GNAS: variants seen among roughly 807,000 people sequenced by gnomAD.
GNAS encodes GNAS complex locus.
GNAS carries 8 observed loss-of-function variants against 54.5 expected under a neutral mutation model. The ratio of observed to expected loss-of-function variants is 0.15; its 90% CI spans 0.09 to 0.26. The LOEUF is 0.26. Among genes scored for constraint, GNAS ranks in the 10% least tolerant of loss-of-function variants. The pLI is 1.00. For synonymous variants in GNAS, 204 were observed against 191.4 expected, an observed-to-expected ratio of 1.07 and a Z score of -0.54; for missense variants, 170 against 529.8, an observed-to-expected ratio of 0.32 and a Z score of 6.67.
Position 58,841,651 on chromosome 20 carries a change from G to A in GNAS, c.43+765G>A. On this transcript the variant is annotated intron_variant, in intron 1 of 12. Transcript: ENST00000306090. This position sits in a 1 kb window ranked among gnomAD's most constrained non-coding sequence, Gnocchi z 5.0. ...GAGCTGACCTCTCCCGGCGGCGGGC[G>A]GTTAGGGGAAAGTACCTGGGGGAAA... The A allele has an allele frequency of 8.9e-7, 1 of 1,123,584 alleles. No individual in the cohort carries two copies. The highest frequency in any genetic ancestry group is 1.1e-6 in the Non-Finnish European group (1 of 918,888). The allele number at this position is 1,123,584 out of a possible 1,614,324, so 69.6% of individuals were successfully genotyped here.
rs776213233 is a variant in GNAS, at chr20:58,909,820, G to C, written c.839+16G>C. 1 of 1,612,624 alleles carries C rather than the reference G, an allele frequency of 6.2e-7. No individual in the cohort carries two copies. The highest frequency in any genetic ancestry group is 8.5e-7 in the Non-Finnish European group (1 of 1,179,916). ...GGAACAACAGGTTTGTGGAGTGACCGCCCACCCCCTGCGCTTGCCCAGGAG... is the reference window on the plus strand; with the variant it reads ...GGAACAACAGGTTTGTGGAGTGACCCCCCACCCCCTGCGCTTGCCCAGGAG... On this transcript the variant is annotated intron_variant, in intron 10 of 12. Transcript: ENST00000371085. The surrounding 1 kb of genome is among the most constrained non-coding windows in gnomAD (Gnocchi z 7.3).
At chr20:58,877,213 G>A (rs918774551) in intron 1 of GNAS, among the ~76,000 whole-genome samples, 3 of 151,988 alleles carry the variant, frequency 2.0e-5, no homozygotes, top group Admixed American at 6.6e-5. Context: ...CTCTGAAAGA[G>A]ATGTGAGCTG....
At position 58,910,751 on chromosome 20, in the gene GNAS, T is replaced by A; in HGVS notation, c.1107T>A (p.Thr369=). 1.2e-6 allele frequency: 2 copies of A among 1,613,936 alleles called. No individual in the cohort carries two copies. The highest frequency in any genetic ancestry group is 1.7e-6 in the Non-Finnish European group (2 of 1,179,788). Reference sequence around the variant, plus strand: ...CTCATTTCACCTGCGCTGTGGACACTGAGAACATCCGCCGTGTGTTCAACG... The same window carrying A: ...CTCATTTCACCTGCGCTGTGGACACAGAGAACATCCGCCGTGTGTTCAACG... ...CYPHFTCAVD[T]ENIRRVFNDC... is the part of the protein sequence containing the mutation. Residue 369 remains threonine, a synonymous_variant, in exon 13 of 13, where the codon ACT becomes ACA. Transcript: ENST00000371085. This position sits in a 1 kb window ranked among gnomAD's most constrained non-coding sequence, Gnocchi z 5.8.
rs1299075971 is a variant in GNAS at position 58,864,026 on chromosome 20, A to G, written c.43+23140A>G. On this transcript the variant is annotated intron_variant, in intron 1 of 12. Transcript: ENST00000306090. ...AAGAGAATCTCGTGTCCCGTGTGTT[A>G]GCGAGTATCCATTCCAGCTCCCCCA... 5 of 152,172 alleles carry G rather than the reference A, an allele frequency of 3.3e-5. No homozygotes were observed. In the East Asian group the frequency reaches 9.6e-4, roughly 29 times the overall value. 9.4% of individuals were successfully genotyped at this position (152,172 alleles called of 1,614,324 possible). A position where few individuals can be genotyped will look rare whatever the true frequency, so the allele number is the denominator to read the frequency against.
At chr20:58,894,969 TA>T (rs1351730812) in intron 1 of GNAS, among the ~76,000 whole-genome samples, 3 of 152,304 alleles carry the variant, frequency 2.0e-5, no homozygotes, top group African/African-American at 7.2e-5. Context: ...TAGAAAGATA[TA>T]GTTTGTGAGG....
At chr20:58,892,180 C>T (rs1318909995) in intron 1 of GNAS, 6 of 975,556 alleles carry the variant, frequency 6.2e-6, no homozygotes, top group Non-Finnish European at 7.3e-6. Flanking sequence ...TCTCTTTTTC[C>T]GCGAGGCCTA....
At chr20:58,888,638 C>G (rs1312189881), upstream of GNAS, 3 of 152,410 alleles carry the variant, frequency 2.0e-5, no homozygotes, top group South Asian at 2.1e-4. Context: ...CACCGCTCCT[C>G]GGCTCCCGTG....
chr20:58,897,054 G>T (rs1422561525), intron 2 of GNAS, among the ~76,000 whole-genome samples: 1 of 152,218 alleles, frequency 6.6e-6, no homozygotes, highest in African/African-American at 2.4e-5. Flanking sequence ...CATACGAATA[G>T]TCCTGTTAGT....
chr20:58,870,414 G>A (rs2087362555), intron 1 of GNAS, among the ~76,000 whole-genome samples: 1 of 152,218 alleles, frequency 6.6e-6, no homozygotes, highest in Non-Finnish European at 1.5e-5. Context: ...CAGGGCAGGT[G>A]GCTGCCTCTT....
chr20:58,849,686 A>G (rs1185179856), intron 1 of GNAS, among the ~76,000 whole-genome samples: 11 of 152,032 alleles, frequency 7.2e-5, no homozygotes, highest in Admixed American at 6.6e-4. Context: ...TGGCTCCTCC[A>G]TCTTTTGTGT....
intron 1 of GNAS, among the ~76,000 whole-genome samples, chr20:58,851,323 A>G (rs897524432): frequency 1.3e-5 from 2 of 152,122 alleles, no homozygotes; most frequent in Non-Finnish European, 2.9e-5. Context: ...CGGGATCGCA[A>G]CTTGCGGTGG....
intron 6 of GNAS, among the ~76,000 whole-genome samples, chr20:58,908,255 A>G (rs2091213338): frequency 6.6e-6 from 1 of 152,182 alleles, no homozygotes; most frequent in Non-Finnish European, 1.5e-5. Context: ...TTAATTTTCC[A>G]TATTAATTAC....
chr20:58,900,941 C>T (rs1329343841), intron 3 of GNAS, among the ~76,000 whole-genome samples: 20 of 152,214 alleles, frequency 1.3e-4, no homozygotes, highest in Non-Finnish European at 4.4e-5. Flanking sequence ...ATACTGAACA[C>T]GTTCTCAAAA....
chr20:58,852,324 A>G (rs901828586), intron 1 of GNAS, among the ~76,000 whole-genome samples: 4 of 151,946 alleles, frequency 2.6e-5, no homozygotes, highest in Non-Finnish European at 5.9e-5. Context: ...AAAGCAGCAA[A>G]AAGTACACCC....
At chr20:58,904,933 CCAT>C (rs1183083646) in intron 5 of GNAS, among the ~76,000 whole-genome samples, 4 of 152,116 alleles carry the variant, frequency 2.6e-5, no homozygotes, top group African/African-American at 9.7e-5. Flanking sequence ...TACAAGTCCC[CCAT>C]CATCATTTTT....
chr20:58,901,891 G>A lies in GNAS; in HGVS notation c.258-1640G>A, dbSNP rs1464379729. Among the ~76,000 whole-genome samples, 3 of 134,016 alleles carry A rather than the reference G, an allele frequency of 2.2e-5. 1 individual carries two copies. Among genetic ancestry groups the A allele is most frequent in the South Asian group, 4.5e-4 (2 of 4,430 alleles). The allele number at this position is 134,016 out of a possible 152,430, so 87.9% of individuals were successfully genotyped here. On this transcript the variant is annotated intron_variant, in intron 3 of 12. Coordinates refer to ENST00000371085, the MANE Select transcript of GNAS (RefSeq NM_000516.7). ...ACTGCCCTGCCCTGCTCGTCTGCTC[G>A]TCTGCTCTTGCTAATTAACCTCCCT...
intron 1 of GNAS, among the ~76,000 whole-genome samples, chr20:58,862,418 C>A (rs894785804): frequency 1.2e-4 from 19 of 152,106 alleles, no homozygotes; most frequent in African/African-American, 4.6e-4. Flanking sequence ...CTTGGCCTCC[C>A]AAAGTGCTGA....
chr20:58,880,514 T>C (rs1485075993), intron 1 of GNAS, among the ~76,000 whole-genome samples: 2 of 152,188 alleles, frequency 1.3e-5, no homozygotes, highest in Non-Finnish European at 2.9e-5. Context: ...AGAATTCTAA[T>C]GATGGGTCTT....
chr20:58,898,600 G>A (rs980081748), intron 2 of GNAS: 5 of 389,976 alleles, frequency 1.3e-5, no homozygotes, highest in East Asian at 8.8e-5. Flanking sequence ...CCAAAGAATT[G>A]TGAGATAAAT....
Sources: gnomAD v4.1 joint callset for allele counts (sites outside exome capture counted in the v4.1 genomes callset) on GRCh38, gnomAD v4.1.1 for gene constraint, Gnocchi (gnomAD v3.1) non-coding constraint, MANE v1.5 for transcripts, NCBI Gene and HGNC (gene_info 2026-07-23, HGNC 2026-07-21) for gene names.